Variants in METTL15 observed in about 807,000 individuals in gnomAD.
METTL15 encodes 12S rRNA N(4)-cytidine methyltransferase METTL15.
METTL15 carries 34 observed loss-of-function variants against 38.3 expected under a neutral mutation model. The ratio of observed to expected loss-of-function variants is 0.89; its 90% confidence interval spans 0.68 to 1.18. The LOEUF is 1.18. Among genes scored for constraint, METTL15 ranks in the 50% most tolerant of loss-of-function variants. The pLI is 0.00. For synonymous variants in METTL15, 162 were observed against 170.9 expected (o/e 0.95, Z 0.41); for missense variants, 438 against 498.4 (o/e 0.88, Z 1.15).
At chr11:28,230,254 T>G (rs576213092) in intron 4 of METTL15, among the ~76,000 whole-genome samples, 6 of 152,108 alleles carry the variant, frequency 3.9e-5, no homozygotes, top group African/African-American at 2.4e-5. Context: ...CTATATATTA[T>G]AATTAACACC....
intron 4 of METTL15, among the ~76,000 whole-genome samples, chr11:28,355,143 G>T (rs1031932788): frequency 6.6e-6 from 1 of 152,152 alleles, no homozygotes; most frequent in Non-Finnish European, 1.5e-5. Context: ...CAAAGACAAG[G>T]CTCAATGGCA....
chr11:28,223,371 A>G (rs540987954), intron 4 of METTL15, among the ~76,000 whole-genome samples: 3 of 152,258 alleles, frequency 2.0e-5, no homozygotes, highest in Non-Finnish European at 2.9e-5. Context: ...TGAAGTATGC[A>G]TGAGAAAGAA....
chr11:28,138,167 A>C (rs1369061218), intron 3 of METTL15, among the ~76,000 whole-genome samples: 1 of 151,800 alleles, frequency 6.6e-6, no homozygotes, highest in Non-Finnish European at 1.5e-5. Flanking sequence ...GTTTCTCGCC[A>C]GGTGTCCTAG....
chr11:28,376,570 A>C (rs1458808693), intron 5 of METTL15, among the ~76,000 whole-genome samples: 1 of 152,038 alleles, frequency 6.6e-6, no homozygotes, highest in African/African-American at 2.4e-5. Flanking sequence ...TCTGCACGTG[A>C]GATGGGTTTC....
chr11:28,159,408 C>T (rs1321730925), intron 3 of METTL15, among the ~76,000 whole-genome samples: 1 of 151,414 alleles, frequency 6.6e-6, no homozygotes, highest in Non-Finnish European at 1.5e-5. Context: ...ACAAGTGATC[C>T]AGACCCTTCA....
At chr11:28,351,117 A>C (rs2133361142) in intron 3 of METTL15, among the ~76,000 whole-genome samples, 1 of 78,380 alleles carries the variant, frequency 1.3e-5, no homozygotes, top group Non-Finnish European at 2.9e-5. Flanking sequence ...ATTTAAAAAA[A>C]ATTTTTTTTT....
At chr11:28,115,738 G>C (rs1036687096) in intron 3 of METTL15, among the ~76,000 whole-genome samples, 5 of 152,102 alleles carry the variant, frequency 3.3e-5, no homozygotes, top group African/African-American at 1.2e-4. Flanking sequence ...CTGAGGAAGA[G>C]GAGGAGGGGT....
At position 28,390,563 on chromosome 11, in the gene METTL15, G is replaced by C. The variant is rs964656198; in HGVS notation, c.*358+28527G>C. Among the ~76,000 whole-genome samples, 4 of 152,110 alleles carry C rather than the reference G, an allele frequency of 2.6e-5. 1 individual carries two copies. The highest frequency in any genetic ancestry group is 6.6e-5 in the Admixed American group (1 of 15,266). On this transcript the variant is annotated intron_variant and NMD_transcript_variant, in intron 5 of 7. Transcript: ENST00000532947. ...TAGATATGTAGTGTTATTTCTGAGG[G>C]CTCTGTTCTGTTCCATTGATCTATA... is the stretch of plus-strand genomic sequence containing the variant.
At chr11:28,136,007 C>T (rs901795654) in intron 3 of METTL15, among the ~76,000 whole-genome samples, 1 of 152,170 alleles carries the variant, frequency 6.6e-6, no homozygotes, top group Non-Finnish European at 1.5e-5. Flanking sequence ...GTGTCCCAAT[C>T]TCCAAAGATA....
chr11:28,516,586 A>G (rs1007281644), intron 6 of METTL15, among the ~76,000 whole-genome samples: 7 of 152,028 alleles, frequency 4.6e-5, no homozygotes, highest in African/African-American at 1.7e-4. Flanking sequence ...TTTGCTTGGC[A>G]GTGGGGATAC....
chr11:28,357,696 A>C (rs1850101771), intron 4 of METTL15, among the ~76,000 whole-genome samples: 1 of 152,190 alleles, frequency 6.6e-6, no homozygotes, highest in South Asian at 2.1e-4. Context: ...TTCACTGACT[A>C]CCCAAAGACA....
chr11:28,382,663 A>G (rs963215373), intron 5 of METTL15, among the ~76,000 whole-genome samples: 9 of 152,040 alleles, frequency 5.9e-5, no homozygotes, highest in Middle Eastern at 6.8e-3. Flanking sequence ...GAGAAACCCC[A>G]TCTCTTCTAT....
chr11:28,111,136 C>T (rs184920958), intron 2 of METTL15, among the ~76,000 whole-genome samples: 185 of 152,258 alleles, frequency 1.2e-3, no homozygotes, highest in African/African-American at 4.4e-3. Context: ...ACCCTTTCTC[C>T]AGGTTGACTC....
chr11:28,181,797 G>C (rs1297090628), intron 3 of METTL15, among the ~76,000 whole-genome samples: 1 of 152,096 alleles, frequency 6.6e-6, no homozygotes, highest in African/African-American at 2.4e-5. Flanking sequence ...TGGGTCAAAT[G>C]ATATTTCTAG....
chr11:28,330,958 G>A lies in METTL15; in HGVS notation c.*117G>A. ...GTGTGGGACAGTCTGAAAATTGATA[G>A]CATTTAGCATTTCTTTTTTCTCAAA... On this transcript the variant is annotated 3_prime_UTR_variant, in exon 7 of 7. Coordinates refer to ENST00000407364, the MANE Select transcript of METTL15 (RefSeq NM_001113528.2). 1 of 671,226 alleles carries A rather than the reference G, an allele frequency of 1.5e-6. No homozygotes were observed. Among genetic ancestry groups the A allele is most frequent in the Non-Finnish European group, 2.5e-6 (1 of 402,068 alleles). The allele number at this position is 671,226 out of a possible 1,614,324, so 41.6% of individuals were successfully genotyped here. A position where few individuals can be genotyped will look rare whatever the true frequency, so the allele number is the denominator to read the frequency against.
chr11:28,497,006 G>C (rs1851540388), intron 6 of METTL15, among the ~76,000 whole-genome samples: 1 of 152,184 alleles, frequency 6.6e-6, no homozygotes, highest in South Asian at 2.1e-4. Flanking sequence ...TGGACATTGA[G>C]GCTAGTACAA....
intron 5 of METTL15, among the ~76,000 whole-genome samples, chr11:28,363,899 G>T (rs1198885530): frequency 1.3e-5 from 2 of 152,164 alleles, no homozygotes; most frequent in East Asian, 3.8e-4. Context: ...TTCTGCATAT[G>T]TCTAGCCAGT....
intron 3 of METTL15, among the ~76,000 whole-genome samples, chr11:28,196,673 CTT>C (rs953666125): frequency 2.1e-5 from 3 of 144,986 alleles, no homozygotes; most frequent in African/African-American, 7.6e-5. Flanking sequence ...TTAAGAAAGA[CTT>C]TTTTTTTTTA....
At chr11:28,403,431 T>C (rs2133405918) in intron 5 of METTL15, among the ~76,000 whole-genome samples, 1 of 152,146 alleles carries the variant, frequency 6.6e-6, no homozygotes, top group East Asian at 1.9e-4. Context: ...TTAGCTATCA[T>C]TGTCATCCAC....
Sources: gnomAD v4.1 joint callset for allele counts (sites outside exome capture counted in the v4.1 genomes callset) on GRCh38, gnomAD v4.1.1 for gene constraint, MANE v1.5 for transcripts, NCBI Gene and HGNC (gene_info 2026-07-23, HGNC 2026-07-21) for gene names.